Variants in RING1 observed in about 807,000 individuals in gnomAD.
The protein encoded by RING1 is ring finger protein 1, also known as E3 ubiquitin-protein ligase RING1.
A neutral mutation model predicts 35.0 loss-of-function variants in RING1; 8 were observed. The observed-to-expected ratio is 0.23, with a 90% confidence interval of 0.13 to 0.41. RING1 has a LOEUF of 0.41. Among genes scored for constraint, RING1 ranks in the 10% least tolerant of loss-of-function variants. The pLI is 1.00. For synonymous variants in RING1, 214 were observed against 224.3 expected, an observed-to-expected ratio of 0.95 and a Z score of 0.41; for missense variants, 343 against 546.8, an observed-to-expected ratio of 0.63 and a Z score of 3.72.
intron 4 of RING1, among the ~76,000 whole-genome samples, chr6:33,210,336 C>G (rs1015769630): frequency 6.6e-6 from 1 of 152,174 alleles, no homozygotes; most frequent in Non-Finnish European, 1.5e-5. Flanking sequence ...CACAGTGACT[C>G]ACATCTGTAA....
rs1440627791 is a variant in RING1 at position 33,212,460 on chromosome 6, A to AT, written c.*61_*62insT. 6.2e-6 allele frequency: 7 copies of AT among 1,137,228 alleles called. No homozygotes were observed. The African/African-American group carries it at 6.2e-5, about 10-fold the overall frequency. The allele number at this position is 1,137,228 out of a possible 1,614,324, so 70.4% of individuals were successfully genotyped here. A position where few individuals can be genotyped will look rare whatever the true frequency, so the allele number is the denominator to read the frequency against. On this transcript the variant is annotated 3_prime_UTR_variant, in exon 7 of 7. Coordinates refer to ENST00000374656, the MANE Select transcript of RING1 (RefSeq NM_002931.4). ...GGGTATCCCTGTGTCCTGGTCTATC[A>AT]CCCCAGCTTCTTTGTCCCCCAGTAC...
rs1460402837 is a variant in RING1 at position 33,211,080 on chromosome 6, A to G, written c.456-78A>G. 4.1e-6 allele frequency: 6 copies of G among 1,450,906 alleles called. No homozygotes were observed. The African/African-American group carries it at 7.1e-5, about 17-fold the overall frequency. The allele number at this position is 1,450,906 out of a possible 1,614,324, so 89.9% of individuals were successfully genotyped here. A position where few individuals can be genotyped will look rare whatever the true frequency, so the allele number is the denominator to read the frequency against. ...AGGTATCGTCATTAGGATTTTTCTT[A>G]TCTCTTAATTCTCTGAAGTTTAAAG... On this transcript the variant is annotated intron_variant, in intron 4 of 6. Transcript: ENST00000374656. The surrounding 1 kb of genome is among the most constrained non-coding windows in gnomAD (Gnocchi z 6.3).
rs771949928 is a variant in RING1, at chr6:33,211,683, C to T, written c.846-46C>T. 36 of 1,534,448 alleles carry T rather than the reference C, an allele frequency of 2.3e-5. No homozygotes were observed. Among genetic ancestry groups the T allele is most frequent in the Non-Finnish European group, 3.2e-5 (36 of 1,142,666 alleles). ...TTGGAAAGCCCCTACCTCCAGTCCT[C>T]ATCTGAGGCGCTCTGGCTCTAAGCC... is the stretch of plus-strand genomic sequence containing the variant. On this transcript the variant is annotated intron_variant, in intron 5 of 6. Transcript: ENST00000374656. The surrounding 1 kb of genome is among the most constrained non-coding windows in gnomAD (Gnocchi z 6.3).
chr6:33,212,150 T>C (rs1775591229), intron 6 of RING1, 148 bp downstream of exon 6: 1 of 865,886 alleles, frequency 1.2e-6, no homozygotes, highest in Non-Finnish European at 1.8e-6. Context: ...TTTCCCATCA[T>C]CCATGTCCTT....
rs1775508188 is a variant in RING1 at position 33,211,266 on chromosome 6, A to G, written c.564A>G (p.Ser188=). ...AAGGGGATGGAGAAGATGTGAGCTC[A>G]GACTCCGCCCCTGACTCTGCCCCAG... ...EGEGDGEDVS[S]DSAPDSAPGP... Residue 188 remains serine (S), a synonymous_variant, in exon 5 of 7, where the codon TCA becomes TCG. Transcript: ENST00000374656. The surrounding 1 kb of genome is among the most constrained non-coding windows in gnomAD (Gnocchi z 6.3). 6.2e-7 allele frequency: 1 copy of G among 1,612,612 alleles called. No homozygotes were observed. Among genetic ancestry groups the G allele is most frequent in the Non-Finnish European group, 8.5e-7 (1 of 1,179,924 alleles).
intron 6 of RING1, 80 bp downstream of exon 6, chr6:33,212,082 C>T: frequency 8.6e-7 from 1 of 1,158,850 alleles, no homozygotes; most frequent in Non-Finnish European, 1.2e-6. Context: ...TGAGCCTGGT[C>T]TAACTCATCA....
rs972263554 is a variant in RING1 at position 33,212,638 on chromosome 6, C to T, written c.*239C>T. On this transcript the variant is annotated 3_prime_UTR_variant, in exon 7 of 7. Coordinates refer to ENST00000374656, the MANE Select transcript of RING1 (RefSeq NM_002931.4). ...ATTGCCCTGCAACGTCCCATCTATACGAGGTGTTGGAGAAGGTGAAGAACC... is the reference window on the plus strand; with the variant it reads ...ATTGCCCTGCAACGTCCCATCTATATGAGGTGTTGGAGAAGGTGAAGAACC... 5 of 426,744 alleles carry T rather than the reference C, an allele frequency of 1.2e-5. No homozygotes were observed. Among genetic ancestry groups the T allele is most frequent in the Middle Eastern group, 5.9e-4 (1 of 1,696 alleles). The allele number at this position is 426,744 out of a possible 1,614,324, so 26.4% of individuals were successfully genotyped here.
chr6:33,212,102 C>A, intron 6 of RING1, 100 bp downstream of exon 6: 1 of 966,350 alleles, frequency 1.0e-6, no homozygotes, highest in Non-Finnish European at 1.5e-6. Context: ...AGCACTCTTC[C>A]CCTATACATC....
chr6:33,212,119 CTCTT>C (rs1775588226), intron 6 of RING1, 117 bp downstream of exon 6: 6 of 902,776 alleles, frequency 6.6e-6, no homozygotes, highest in Non-Finnish European at 1.7e-6. Context: ...CATCCTCTAT[CTCTT>C]TCTATGTCCC....
Position 33,211,806 on chromosome 6 carries a change from G to T in RING1, c.923G>T (p.Arg308Met). Reference protein sequence around the residue: ...YLALRIALERRQQQEAGEPGG... With the variant: ...YLALRIALERMQQQEAGEPGG... The stretch of plus-strand genomic sequence containing the variant: ...GCCCTGCGCATTGCCCTCGAGCGGA[G>T]GCAACAGCAGGAAGCAGGGGAGCCA... Residue 308 changes from arginine (R) to methionine (M), a missense_variant, in exon 6 of 7, where the codon AGG becomes ATG. Around this residue, in one of 2 missense-constraint regions of RING1, gnomAD observed 278 missense variants for 383.5 expected, o/e 0.72. Coordinates refer to ENST00000374656, the MANE Select transcript of RING1 (RefSeq NM_002931.4). The surrounding 1 kb of genome is among the most constrained non-coding windows in gnomAD (Gnocchi z 6.3). 1 of 1,606,308 alleles carries T rather than the reference G, an allele frequency of 6.2e-7. No homozygotes were observed. The highest frequency in any genetic ancestry group is 8.5e-7 in the Non-Finnish European group (1 of 1,175,680).
Position 33,211,996 on chromosome 6 carries a change from G to A in RING1, c.1113G>A (p.Ala371=), listed in dbSNP as rs1281934322. The change falls in exon 6 of 7, where the codon GCG becomes GCA. Residue 371 remains alanine (A), a synonymous_variant. Transcript: ENST00000374656. This position sits in a 1 kb window ranked among gnomAD's most constrained non-coding sequence, Gnocchi z 6.3. ...YTIYIAPGGG[A]FTTLNGSLTL... ...TCTACATCGCACCTGGAGGCGGGGC[G>A]TTCACGGTGAGAGCTTCTGAGGGCA... 6 of 1,533,086 alleles carry A rather than the reference G, an allele frequency of 3.9e-6. No homozygotes were observed. The highest frequency in any genetic ancestry group is 2.7e-5 in the African/African-American group (2 of 73,104). The allele number at this position is 1,533,086 out of a possible 1,614,324, so 95.0% of individuals were successfully genotyped here.
Position 33,211,553 on chromosome 6 carries a change from G to T in RING1, c.845+6G>T, listed in dbSNP as rs752088517. 6.2e-6 allele frequency: 10 copies of T among 1,609,248 alleles called. No homozygotes were observed. The South Asian group carries it at 1.1e-4, about 18-fold the overall frequency. On this transcript the variant is annotated splice_donor_region_variant and intron_variant, in intron 5 of 6. Coordinates refer to ENST00000374656, the MANE Select transcript of RING1 (RefSeq NM_002931.4). The surrounding 1 kb of genome is among the most constrained non-coding windows in gnomAD (Gnocchi z 6.3). ...GGAGAATACTGCCAGACGAGGTGAG[G>T]AGCCCTGTCTTTCCCCAGCCACTGA... is the stretch of plus-strand genomic sequence containing the variant.
chr6:33,211,106 T>A lies in RING1; in HGVS notation c.456-52T>A. On this transcript the variant is annotated intron_variant, in intron 4 of 6. Transcript: ENST00000374656. The surrounding 1 kb of genome is among the most constrained non-coding windows in gnomAD (Gnocchi z 6.3). ...TCTCTTAATTCTCTGAAGTTTAAAG[T>A]CTAAGCCCTTTATCCTGGATGCCTT... is the stretch of plus-strand genomic sequence containing the variant. 1 of 1,514,564 alleles carries A rather than the reference T, an allele frequency of 6.6e-7. No homozygotes were observed. Among genetic ancestry groups the A allele is most frequent in the East Asian group, 2.3e-5 (1 of 43,820 alleles). 93.8% of individuals were successfully genotyped at this position (1,514,564 alleles called of 1,614,324 possible).
chr6:33,209,462 G>A lies in RING1; in HGVS notation c.79-164G>A, dbSNP rs1775382423. The stretch of plus-strand genomic sequence containing the variant: ...ACTAAAGTCTGTCTTTTCTCCATTT[G>A]CTCCAAGTCATCAGTCCTTCTCTTT... On this transcript the variant is annotated intron_variant, in intron 2 of 6. Transcript: ENST00000374656. The surrounding 1 kb of genome is among the most constrained non-coding windows in gnomAD (Gnocchi z 5.1). 1 of 655,048 alleles carries A rather than the reference G, an allele frequency of 1.5e-6. No individual in the cohort carries two copies. The highest frequency in any genetic ancestry group is 1.8e-5 in the African/African-American group (1 of 55,036). The allele number at this position is 655,048 out of a possible 1,614,324, so 40.6% of individuals were successfully genotyped here. A position where few individuals can be genotyped will look rare whatever the true frequency, so the allele number is the denominator to read the frequency against.
Position 33,211,438 on chromosome 6 carries a change from C to A in RING1, c.736C>A (p.Pro246Thr). The change falls in exon 5 of 7, where the codon CCC (proline) becomes ACC (threonine). Residue 246 changes from proline to threonine, a missense_variant. This residue lies in a region of RING1 where 278 missense variants were observed against 383.5 expected (regional missense o/e 0.72). Coordinates refer to ENST00000374656, the MANE Select transcript of RING1 (RefSeq NM_002931.4). The surrounding 1 kb of genome is among the most constrained non-coding windows in gnomAD (Gnocchi z 6.3). The part of the protein sequence containing the change: ...GGTLGGGTLG[P>T]PSPPGAPSPP... ...GACTCTGGGAGGGGGAACGCTGGGC[C>A]CCCCAAGCCCTCCTGGGGCCCCCAG... 1 of 1,580,832 alleles carries A rather than the reference C, an allele frequency of 6.3e-7. No homozygotes were observed. The highest frequency in any genetic ancestry group is 2.3e-5 in the East Asian group (1 of 43,116).
In RING1 at chr6:33,211,326, A is replaced by AGGG; in HGVS notation, c.628_630dup (p.Gly210dup). The AGGG allele has an allele frequency of 7.9e-7, 1 of 1,260,552 alleles. No homozygotes were observed. Among genetic ancestry groups the AGGG allele is most frequent in the Non-Finnish European group, 1.0e-6 (1 of 963,210 alleles). 78.1% of individuals were successfully genotyped at this position (1,260,552 alleles called of 1,614,324 possible). On this transcript the variant is annotated inframe_insertion, in exon 5 of 7. Coordinates refer to ENST00000374656, the MANE Select transcript of RING1 (RefSeq NM_002931.4). The surrounding 1 kb of genome is among the most constrained non-coding windows in gnomAD (Gnocchi z 6.3). ...CCAAGCGACCCCGTGGAGGGGGCGC[A>AGGG]GGGGGGAGCAGTGTAGGGACAGGGG... is the stretch of plus-strand genomic sequence containing the variant.
Position 33,212,412 on chromosome 6 carries a change from A to G in RING1, c.*13A>G. On this transcript the variant is annotated 3_prime_UTR_variant, in exon 7 of 7. Transcript: ENST00000374656. ...GGATCCAAAGTGACCCCACCAGGGG[A>G]CAGCCAGAGGAAGGGGACCATGGGG... 3.2e-6 allele frequency: 5 copies of G among 1,547,682 alleles called. No homozygotes were observed. The highest frequency in any genetic ancestry group is 3.5e-6 in the Non-Finnish European group (4 of 1,136,036).
In RING1 at chr6:33,212,289, C is replaced by A. The variant is rs1213185514; in HGVS notation, c.1120-9C>A. 5 of 1,555,844 alleles carry A rather than the reference C, an allele frequency of 3.2e-6. No individual in the cohort carries two copies. The highest frequency in any genetic ancestry group is 1.7e-4 in the Middle Eastern group (1 of 6,008). ...CTTTTCCCCTCTCTCCCTTTTACCC[C>A]CTCCTCAGACGTTGAATGGCTCGCT... is the stretch of plus-strand genomic sequence containing the variant. On this transcript the variant is annotated splice_polypyrimidine_tract_variant and intron_variant, in intron 6 of 6. Coordinates refer to ENST00000374656, the MANE Select transcript of RING1 (RefSeq NM_002931.4).
chr6:33,208,683 G>T lies in RING1; in HGVS notation c.-59+39G>T. On this transcript the variant is annotated intron_variant, in intron 1 of 6. Transcript: ENST00000374656. This position sits in a 1 kb window ranked among gnomAD's most constrained non-coding sequence, Gnocchi z 6.2. ...CCGGCGCGGGGGCGGGAGCGGGGGC[G>T]GAGAGGGGCGCTTCTGGAGGGGCGG... 2 of 665,138 alleles carry T rather than the reference G, an allele frequency of 3.0e-6. No homozygotes were observed. Among genetic ancestry groups the T allele is most frequent in the Non-Finnish European group, 4.9e-6 (2 of 409,144 alleles). 41.2% of individuals were successfully genotyped at this position (665,138 alleles called of 1,614,324 possible). A position where few individuals can be genotyped will look rare whatever the true frequency, so the allele number is the denominator to read the frequency against.
Sources: gnomAD v4.1 joint callset for allele counts (sites outside exome capture counted in the v4.1 genomes callset) on GRCh38, gnomAD v4.1.1 for gene constraint, gnomAD v4.1.1 regional missense constraint, Gnocchi (gnomAD v3.1) non-coding constraint, MANE v1.5 for transcripts, NCBI Gene and HGNC (gene_info 2026-07-23, HGNC 2026-07-21) for gene names.